ERBB4: variants seen among roughly 807,000 people sequenced by gnomAD.
ERBB4 encodes the protein receptor tyrosine-protein kinase erbB-4.
In ERBB4, 42 loss-of-function variants were observed where a neutral mutation model predicts 158.0. That is an observed-to-expected ratio of 0.27 (90% CI 0.21 to 0.34). ERBB4 has a LOEUF of 0.34. Ranked by LOEUF, ERBB4 falls within the 10% of genes least tolerant of loss-of-function variation. The probability of loss-of-function intolerance (pLI) is 1.00; values close to 1 mark genes in which losing one functional copy is unlikely to be tolerated. For synonymous variants in ERBB4, 583 were observed against 558.7 expected, an observed-to-expected ratio of 1.04 and a Z score of -0.61; for missense variants, 1,333 against 1,624.1, an observed-to-expected ratio of 0.82 and a Z score of 3.08.
chr2:211,772,834 T>TATATATATACAC (rs1219416032), intron 4 of ERBB4, among the ~76,000 whole-genome samples: 1 of 10,346 alleles, frequency 9.7e-5, no homozygotes, highest in African/African-American at 3.8e-4. Context: ...TATATATATA[T>TATATATATACAC]ACACATATAT....
intron 18 of ERBB4, among the ~76,000 whole-genome samples, chr2:211,621,735 G>T (rs1424171589): frequency 6.6e-6 from 1 of 152,058 alleles, no homozygotes; most frequent in Admixed American, 6.5e-5. Context: ...TCTTAAAAAT[G>T]GAAGTACGTT....
chr2:211,880,652 C>A (rs537246151), intron 3 of ERBB4, among the ~76,000 whole-genome samples: 2 of 152,188 alleles, frequency 1.3e-5, no homozygotes, highest in African/African-American at 4.8e-5. Flanking sequence ...ATTAAGACAT[C>A]CATTTGAAAA....
intron 2 of ERBB4, among the ~76,000 whole-genome samples, chr2:212,003,862 C>T (rs915284061): frequency 6.6e-6 from 1 of 151,990 alleles, no homozygotes; most frequent in Non-Finnish European, 1.5e-5. Flanking sequence ...TGACCTTGGG[C>T]AAGTTATATA....
rs180773601 is a variant in ERBB4 at position 211,377,854 on chromosome 2, G to A, written c.*5761C>T. The A allele has an allele frequency of 1.1e-4, 26 of 232,774 alleles. No individual in the cohort carries two copies. Among genetic ancestry groups the A allele is most frequent in the South Asian group, 7.2e-4 (4 of 5,524 alleles). The allele number at this position is 232,774 out of a possible 1,614,324, so 14.4% of individuals were successfully genotyped here. A position where few individuals can be genotyped will look rare whatever the true frequency, so the allele number is the denominator to read the frequency against. ...ACTCGTCTCAAATTCCTATAGGGAAGGACACAGAGAATTGATCTTCATGGG... is the reference window on the plus strand; with the variant it reads ...ACTCGTCTCAAATTCCTATAGGGAAAGACACAGAGAATTGATCTTCATGGG... On this transcript the variant is annotated 3_prime_UTR_variant, in exon 28 of 28. Coordinates refer to ENST00000342788, the MANE Select transcript of ERBB4 (RefSeq NM_005235.3).
rs139196281 is a variant in ERBB4 at position 212,315,015 on chromosome 2, T to C, written c.83-190112A>G. 1.1e-3 allele frequency among the ~76,000 whole-genome samples: 174 copies of C among 151,356 alleles called. 2 individuals are homozygous for C. The East Asian group carries it at 0.019, about 16-fold the overall frequency. On this transcript the variant is annotated intron_variant, in intron 1 of 27. Transcript: ENST00000342788. Reference sequence around the variant, plus strand: ...ACAGCTTGAGGTATCTTTCTGTACTTTGAGATTACTGAAGTCATGAGGGAA... The same window carrying C: ...ACAGCTTGAGGTATCTTTCTGTACTCTGAGATTACTGAAGTCATGAGGGAA...
chr2:211,487,785 A>G (rs1644054390), intron 20 of ERBB4, among the ~76,000 whole-genome samples: 1 of 152,104 alleles, frequency 6.6e-6, no homozygotes, highest in African/African-American at 2.4e-5. Flanking sequence ...ACTGACAGTA[A>G]AGGGCTGCGG....
At chr2:212,288,934 G>T (rs573125931) in intron 1 of ERBB4, among the ~76,000 whole-genome samples, 4 of 152,178 alleles carry the variant, frequency 2.6e-5, no homozygotes, top group South Asian at 4.1e-4. Flanking sequence ...AAGAAAGGGA[G>T]GAAAGAGAAA....
intron 1 of ERBB4, among the ~76,000 whole-genome samples, chr2:212,257,539 C>T (rs1392301469): frequency 6.6e-6 from 1 of 152,028 alleles, no homozygotes; most frequent in African/African-American, 2.4e-5. Context: ...GCATTTATTT[C>T]TGTATTCCTG....
At chr2:211,820,538 A>T (rs916617321) in intron 3 of ERBB4, among the ~76,000 whole-genome samples, 2 of 151,914 alleles carry the variant, frequency 1.3e-5, no homozygotes, top group African/African-American at 4.8e-5. Flanking sequence ...TTCTTTTCTA[A>T]CTATTCAAAA....
chr2:211,750,439 A>G (rs554001574), intron 5 of ERBB4, among the ~76,000 whole-genome samples, 200 bp downstream of exon 5: 1 of 152,336 alleles, frequency 6.6e-6, no homozygotes, highest in Non-Finnish European at 1.5e-5. Flanking sequence ...AGAAACCACG[A>G]AGAAACCTAA....
chr2:211,432,452 G>A (rs537852094), intron 20 of ERBB4, among the ~76,000 whole-genome samples: 1 of 152,292 alleles, frequency 6.6e-6, no homozygotes, highest in South Asian at 2.1e-4. Context: ...GACGCTGTGT[G>A]TATTAGTGTT....
At chr2:211,485,208 A>ATTGACTTTGTG in intron 20 of ERBB4, among the ~76,000 whole-genome samples, 1 of 151,798 alleles carries the variant, frequency 6.6e-6, no homozygotes, top group Admixed American at 6.5e-5. Context: ...TTAGTTTTAC[A>ATTGACTTTGTG]AATCTTGATT....
intron 1 of ERBB4, among the ~76,000 whole-genome samples, chr2:212,159,297 C>G (rs73987274): frequency 0.024 from 3,603 of 147,856 alleles, 151 homozygotes; most frequent in African/African-American, 0.085. Flanking sequence ...AAACAGATAG[C>G]TAATACAGAC....
At position 211,623,914 on chromosome 2, in the gene ERBB4, T is replaced by C. The variant is rs2069733019; in HGVS notation, c.2202+8A>G. 1 of 1,613,834 alleles carries C rather than the reference T, an allele frequency of 6.2e-7. No homozygotes were observed. The highest frequency in any genetic ancestry group is 1.1e-5 in the South Asian group (1 of 91,088). Reference sequence around the variant, plus strand: ...CTTAACTAACGATATGCGTTGTTTTTTACTTACTTTATAAACCGTTCCAAA... The same window carrying C: ...CTTAACTAACGATATGCGTTGTTTTCTACTTACTTTATAAACCGTTCCAAA... On this transcript the variant is annotated splice_region_variant and intron_variant, in intron 18 of 27. Transcript: ENST00000342788.
intron 15 of ERBB4, among the ~76,000 whole-genome samples, chr2:211,661,603 A>G (rs1039905784): frequency 4.6e-5 from 7 of 152,180 alleles, no homozygotes; most frequent in African/African-American, 9.6e-5. Context: ...TTAAATTTTG[A>G]AATAAAAATG....
At chr2:212,369,721 G>T (rs550926410) in intron 1 of ERBB4, among the ~76,000 whole-genome samples, 1 of 152,006 alleles carries the variant, frequency 6.6e-6, no homozygotes, top group South Asian at 2.1e-4. Flanking sequence ...TGGGAACAGG[G>T]TCTCACTCTG....
At chr2:211,604,172 T>C (rs2068897715) in intron 19 of ERBB4, among the ~76,000 whole-genome samples, 1 of 152,220 alleles carries the variant, frequency 6.6e-6, no homozygotes, top group Non-Finnish European at 1.5e-5. Context: ...AATACATTAT[T>C]ACATTCTGTA....
At chr2:212,431,326 A>AAAAAC (rs1560302341) in intron 1 of ERBB4, among the ~76,000 whole-genome samples, 4 of 151,416 alleles carry the variant, frequency 2.6e-5, no homozygotes, top group Non-Finnish European at 4.4e-5. Context: ...AAAAAAAAAA[A>AAAAAC]AAAACCTTCG....
intron 19 of ERBB4, among the ~76,000 whole-genome samples, chr2:211,608,398 T>C (rs536353935): frequency 7.2e-5 from 11 of 152,264 alleles, no homozygotes; most frequent in Non-Finnish European, 1.6e-4. Context: ...CAGTTGACTT[T>C]AGAGCTAGGG....
Sources: gnomAD v4.1 joint callset for allele counts (sites outside exome capture counted in the v4.1 genomes callset) on GRCh38, gnomAD v4.1.1 for gene constraint, MANE v1.5 for transcripts, NCBI Gene and HGNC (gene_info 2026-07-23, HGNC 2026-07-21) for gene names.